GSDME: variants seen among roughly 807,000 people sequenced by gnomAD.
The protein encoded by GSDME is gasdermin E.
GSDME carries 44 observed loss-of-function variants against 47.5 expected under a neutral mutation model. The ratio of observed to expected loss-of-function variants is 0.93; its 90% CI spans 0.73 to 1.19. The LOEUF (loss-of-function observed/expected upper bound fraction) is 1.19. Among genes scored for constraint, GSDME ranks in the 50% most tolerant of loss-of-function variants. The pLI is 0.00. For missense variants in GSDME, 663 were observed against 604.2 expected (o/e 1.10, Z -1.02); for synonymous variants, 258 against 252.8 (o/e 1.02, Z -0.20).
chr7:24,782,051 A>G, the GSDME span, among the ~76,000 whole-genome samples: 1 of 152,148 alleles, frequency 6.6e-6, no homozygotes, highest in Non-Finnish European at 1.5e-5. Context: ...CAGCCCAAAA[A>G]CATACTTTTA....
chr7:24,698,821 A>G lies in GSDME; in HGVS notation c.*205T>C, dbSNP rs1442373737. On this transcript the variant is annotated 3_prime_UTR_variant, in exon 10 of 10. Coordinates refer to ENST00000645220, the MANE Select transcript of GSDME (RefSeq NM_001127453.2). ...AACCTAACTCAGATGCTGGGTCACC[A>G]GCACAGGAGGGCCTCTGATAAGGAA... 3.4e-6 allele frequency: 2 copies of G among 594,070 alleles called. No individual in the cohort carries two copies. The highest frequency in any genetic ancestry group is 3.0e-6 in the Non-Finnish European group (1 of 330,146). The allele number at this position is 594,070 out of a possible 1,614,324, so 36.8% of individuals were successfully genotyped here. A position where few individuals can be genotyped will look rare whatever the true frequency, so the allele number is the denominator to read the frequency against.
the GSDME span, among the ~76,000 whole-genome samples, chr7:24,773,258 T>C: frequency 6.6e-6 from 1 of 152,232 alleles, no homozygotes; most frequent in South Asian, 2.1e-4. The surrounding 1 kb of genome is among the most constrained non-coding windows in gnomAD (Gnocchi z 5.4). Context: ...TGCTCTTACA[T>C]GGCTGTTTAA....
In GSDME at chr7:24,742,424, C is replaced by T. The variant is rs2237325; in HGVS notation, c.404+2138G>A. Among the ~76,000 whole-genome samples, 1,858 of 152,216 alleles carry T rather than the reference C, an allele frequency of 0.012. 111 individuals carry two copies. In the East Asian group the frequency reaches 0.19, roughly 15 times the overall value. On this transcript the variant is annotated intron_variant, in intron 3 of 9. Coordinates refer to ENST00000645220, the MANE Select transcript of GSDME (RefSeq NM_001127453.2). The surrounding 1 kb of genome is among the most constrained non-coding windows in gnomAD (Gnocchi z 4.4). The stretch of plus-strand genomic sequence containing the variant: ...TTAAGGAGAGGCTACATATAAAGTG[C>T]CTGGCACACAGTAGGTGCTCTGCGG...
the GSDME span, among the ~76,000 whole-genome samples, chr7:24,784,442 T>C: frequency 6.6e-6 from 1 of 151,964 alleles, no homozygotes; most frequent in Non-Finnish European, 1.5e-5. Context: ...CAGACTTCAG[T>C]ATGTGGCTGA....
chr7:24,727,420 G>C (rs187577511), intron 3 of GSDME, among the ~76,000 whole-genome samples: 168 of 152,350 alleles, frequency 1.1e-3, no homozygotes, highest in East Asian at 3.3e-3. Flanking sequence ...GGACATGACA[G>C]AGAGCCAAAA....
the GSDME span, among the ~76,000 whole-genome samples, chr7:24,774,596 G>A: frequency 6.6e-5 from 10 of 151,886 alleles, no homozygotes; most frequent in Non-Finnish European, 1.5e-4. Context: ...GTGGTGGTAC[G>A]ATCTCTGCTC....
intron 6 of GSDME, among the ~76,000 whole-genome samples, chr7:24,709,034 A>G (rs146580560): frequency 6.6e-6 from 1 of 152,320 alleles, no homozygotes; most frequent in East Asian, 1.9e-4. Flanking sequence ...TCAATGTACC[A>G]CCCATGAGGA....
the GSDME span, among the ~76,000 whole-genome samples, chr7:24,775,874 C>CAAAAAAAA: frequency 9.6e-5 from 3 of 31,396 alleles, 1 homozygote; most frequent in African/African-American, 4.3e-4. Context: ...GATTCCATCT[C>CAAAAAAAA]AAAAAAAAAA....
At chr7:24,778,573 C>T in the GSDME span, among the ~76,000 whole-genome samples, 1 of 152,170 alleles carries the variant, frequency 6.6e-6, no homozygotes, top group Non-Finnish European at 1.5e-5. This position sits in a 1 kb window ranked among gnomAD's most constrained non-coding sequence, Gnocchi z 5.6. Context: ...TTGGTTGCCC[C>T]AGGTGTTGGG....
At chr7:24,707,873 A>G in intron 7 of GSDME, 2 of 577,348 alleles carry the variant, frequency 3.5e-6, no homozygotes, top group Non-Finnish European at 6.1e-6. Flanking sequence ...TGGGCTCCAA[A>G]ACTATGAGAG....
the GSDME span, among the ~76,000 whole-genome samples, chr7:24,765,094 A>C: frequency 6.6e-6 from 1 of 152,158 alleles, no homozygotes; most frequent in Non-Finnish European, 1.5e-5. Flanking sequence ...AGTTCCCCAA[A>C]TCCATTTCTC....
At chr7:24,792,852 T>C in the GSDME span, among the ~76,000 whole-genome samples, 1 of 152,280 alleles carries the variant, frequency 6.6e-6, no homozygotes, top group South Asian at 2.1e-4. Flanking sequence ...CTGGTGCTGG[T>C]TTACCAGAAA....
rs958583134 is a variant in GSDME, at chr7:24,732,105, G to T, written c.404+12457C>A. On this transcript the variant is annotated intron_variant, in intron 3 of 9. Transcript: ENST00000645220. This position sits in a 1 kb window ranked among gnomAD's most constrained non-coding sequence, Gnocchi z 4.8. ...ACAGCAAAAAGAGAATCAGCGACAG[G>T]ACCAGAATCAGGGAACTCATGTTCT... Among the ~76,000 whole-genome samples, 1 of 152,196 alleles carries T rather than the reference G, an allele frequency of 6.6e-6. No homozygotes were observed. Among genetic ancestry groups the T allele is most frequent in the African/African-American group, 2.4e-5 (1 of 41,442 alleles).
chr7:24,786,540 C>A, the GSDME span, among the ~76,000 whole-genome samples: 1 of 152,128 alleles, frequency 6.6e-6, no homozygotes, highest in Non-Finnish European at 1.5e-5. This position sits in a 1 kb window ranked among gnomAD's most constrained non-coding sequence, Gnocchi z 5.5. Flanking sequence ...AGTGGGGTTG[C>A]AAAACTCACA....
At chr7:24,794,663 T>A in the GSDME span, among the ~76,000 whole-genome samples, 1 of 152,164 alleles carries the variant, frequency 6.6e-6, no homozygotes, top group Admixed American at 6.5e-5. Flanking sequence ...CCTTAAACTT[T>A]CCAGGTGTCA....
At chr7:24,703,249 G>A (rs776921997) in intron 8 of GSDME, 4 of 333,550 alleles carry the variant, frequency 1.2e-5, no homozygotes, top group Non-Finnish European at 2.3e-5. Flanking sequence ...TACCATAGTT[G>A]TTTTGTTTTT....
chr7:24,748,202 C>G (rs1318453861), intron 2 of GSDME, among the ~76,000 whole-genome samples: 2 of 147,728 alleles, frequency 1.4e-5, no homozygotes, highest in Admixed American at 6.8e-5. Context: ...CTCTATCACC[C>G]AGGCTGGAGT....
chr7:24,782,529 G>A, the GSDME span, among the ~76,000 whole-genome samples: 11 of 152,220 alleles, frequency 7.2e-5, no homozygotes, highest in African/African-American at 1.7e-4. Flanking sequence ...ATAAACATAC[G>A]TGTGCATGTG....
chr7:24,733,181 A>AC lies in GSDME; in HGVS notation c.404+11380dup, dbSNP rs1236448947. ...TAGAAACACCCTGAGCCAGAATGTAACCTCCTGCCTTAAGGGAAGGATGCA... is the reference window on the plus strand; with the variant it reads ...TAGAAACACCCTGAGCCAGAATGTAACCCTCCTGCCTTAAGGGAAGGATGCA... On this transcript the variant is annotated intron_variant, in intron 3 of 9. Transcript: ENST00000645220. This position sits in a 1 kb window ranked among gnomAD's most constrained non-coding sequence, Gnocchi z 4.3. Among the ~76,000 whole-genome samples, 1 of 152,040 alleles carries AC rather than the reference A, an allele frequency of 6.6e-6. No individual in the cohort carries two copies.
Sources: allele counts gnomAD v4.1 joint callset (sites outside exome capture counted in the v4.1 genomes callset), GRCh38; gene constraint gnomAD v4.1.1; non-coding constraint Gnocchi (gnomAD v3.1); transcripts MANE v1.5; gene names NCBI Gene and HGNC (gene_info 2026-07-23, HGNC 2026-07-21).